The following ATP1A2 variants were observed in gnomAD, a reference collection of about 807,000 sequenced individuals.
The protein encoded by ATP1A2 is ATPase Na+/K+ transporting subunit alpha 2, also known as sodium/potassium-transporting ATPase subunit alpha-2.
Under a neutral mutation model 113.1 loss-of-function variants are expected in ATP1A2, and 56 were observed. The ratio of observed to expected loss-of-function variants is 0.49; its 90% CI spans 0.40 to 0.62. ATP1A2 has a LOEUF of 0.62. ATP1A2 is among the 20% of genes least tolerant of loss of function. The pLI is 0.00. For synonymous variants in ATP1A2, 490 were observed against 526.8 expected, an observed-to-expected ratio of 0.93 and a Z score of 0.96; for missense variants, 712 against 1,357.8, an observed-to-expected ratio of 0.52 and a Z score of 7.47.
Position 160,131,933 on chromosome 1 carries a change from A to G in ATP1A2, c.1827+1336A>G, listed in dbSNP as rs144118092. Among the ~76,000 whole-genome samples the G allele has an allele frequency of 6.6e-5, 10 of 152,254 alleles. No homozygotes were observed. The East Asian group carries it at 1.7e-3, about 26-fold the overall frequency. ...TGATGGACTGGGACTATGAAGCATGATCTGCTTGACCGGAAAGCCTGAGCT... is the reference window on the plus strand; with the variant it reads ...TGATGGACTGGGACTATGAAGCATGGTCTGCTTGACCGGAAAGCCTGAGCT... On this transcript the variant is annotated intron_variant, in intron 13 of 22. Coordinates refer to ENST00000361216, the MANE Select transcript of ATP1A2 (RefSeq NM_000702.4).
intron 3 of ATP1A2, among the ~76,000 whole-genome samples, chr1:160,121,521 C>A (rs1651397499): frequency 1.3e-5 from 2 of 152,370 alleles, no homozygotes; most frequent in Non-Finnish European, 1.5e-5. Context: ...GGCCTCCAGG[C>A]AGGGCCCTTC....
chr1:160,135,561 T>C lies in ATP1A2; in HGVS notation c.2243T>C (p.Leu748Pro). ...AAGCAGGCAGCCGACATGATCCTGCTGGATGACAACTTTGCCTCCATCGTC... is the reference window on the plus strand; with the variant it reads ...AAGCAGGCAGCCGACATGATCCTGCCGGATGACAACTTTGCCTCCATCGTC... ...VSKQAADMIL[L>P]DDNFASIVTG... Residue 748 changes from leucine to proline, a missense_variant, in exon 16 of 23, where the codon CTG becomes CCG. Around this residue, in one of 6 missense-constraint regions of ATP1A2, gnomAD observed 188 missense variants for 438.9 expected, o/e 0.43. Coordinates refer to ENST00000361216, the MANE Select transcript of ATP1A2 (RefSeq NM_000702.4). The surrounding 1 kb of genome is among the most constrained non-coding windows in gnomAD (Gnocchi z 6.3). 1 of 1,614,128 alleles carries C rather than the reference T, an allele frequency of 6.2e-7. No individual in the cohort carries two copies. Among genetic ancestry groups the C allele is most frequent in the South Asian group, 1.1e-5 (1 of 91,080 alleles).
intron 20 of ATP1A2, among the ~76,000 whole-genome samples, chr1:160,138,850 T>C (rs1237795481): frequency 6.6e-6 from 1 of 151,686 alleles, no homozygotes; most frequent in African/African-American, 2.4e-5. Flanking sequence ...AGTGGAGTAA[T>C]AATGTGACTG....
At position 160,137,370 on chromosome 1, in the gene ATP1A2, G is replaced by A. The variant is rs140844741; in HGVS notation, c.2840+339G>A. On this transcript the variant is annotated intron_variant, in intron 20 of 22. Coordinates refer to ENST00000361216, the MANE Select transcript of ATP1A2 (RefSeq NM_000702.4). ...GTGCCCACCCCTCCCCTGGCCTTCC[G>A]CAGGCAGTCTAGTTTATAGCACTTG... Among the ~76,000 whole-genome samples the A allele has an allele frequency of 8.4e-3, 1,272 of 152,018 alleles. 22 individuals are homozygous for A. Among genetic ancestry groups the A allele is most frequent in the African/African-American group, 0.029 (1,199 of 41,430 alleles).
At position 160,129,510 on chromosome 1, in the gene ATP1A2, G is replaced by A. The variant is rs570162016; in HGVS notation, c.1461+110G>A. ...AGGAGTGGGGGTGTCTGAGGGTCAT[G>A]TTCCCTCCCCCTGCTAAGTCCCCCA... is the stretch of plus-strand genomic sequence containing the variant. On this transcript the variant is annotated intron_variant, in intron 11 of 22. Coordinates refer to ENST00000361216, the MANE Select transcript of ATP1A2 (RefSeq NM_000702.4). The A allele has an allele frequency of 5.5e-5, 83 of 1,522,462 alleles. No homozygotes were observed. The South Asian group carries it at 8.3e-4, about 15-fold the overall frequency. The allele number at this position is 1,522,462 out of a possible 1,614,324, so 94.3% of individuals were successfully genotyped here.
rs370471372 is a variant in ATP1A2, at chr1:160,124,414, C to G, written c.614C>G (p.Ser205Cys). 1.1e-5 allele frequency: 17 copies of G among 1,609,400 alleles called. No homozygotes were observed. Among genetic ancestry groups the G allele is most frequent in the Non-Finnish European group, 1.4e-5 (16 of 1,178,060 alleles). ...GTCCCTGCTGACCTCCGGATCATCT[C>G]TTCTCATGGCTGTAAGGTGAGGAGG... Reference protein sequence around the residue: ...DRVPADLRIISSHGCKVDNSS... With the variant: ...DRVPADLRIICSHGCKVDNSS... Residue 205 changes from serine to cysteine, a missense_variant, in exon 6 of 23, where the codon TCT becomes TGT. Around this residue, in one of 6 missense-constraint regions of ATP1A2, gnomAD observed 99 missense variants for 180.4 expected, o/e 0.55. Transcript: ENST00000361216.
At chr1:160,137,408 G>A (rs1651988325) in intron 20 of ATP1A2, among the ~76,000 whole-genome samples, 5 of 152,162 alleles carry the variant, frequency 3.3e-5, no homozygotes, top group African/African-American at 7.2e-5. Flanking sequence ...CTGTGGTTCT[G>A]GAGGCCACGT....
intron 13 of ATP1A2, among the ~76,000 whole-genome samples, chr1:160,132,194 G>A (rs1271571467): frequency 6.6e-6 from 1 of 152,234 alleles, no homozygotes; most frequent in East Asian, 1.9e-4. Context: ...CCCTGGCGTG[G>A]CTAGACTGTA....
In ATP1A2 at chr1:160,115,846, G is replaced by A. The variant is rs1651157523; in HGVS notation, c.-16G>A. On this transcript the variant is annotated 5_prime_UTR_variant, in exon 1 of 23. Transcript: ENST00000361216. The stretch of plus-strand genomic sequence containing the variant: ...TGACCTCTCCCGCTAAGGTCCCTCA[G>A]CCACTCTGCCCCAAGATGGGCCGTG... 8.1e-6 allele frequency: 13 copies of A among 1,596,316 alleles called. No individual in the cohort carries two copies. Among genetic ancestry groups the A allele is most frequent in the African/African-American group, 1.3e-5 (1 of 74,856 alleles).
rs1651377823 is a variant in ATP1A2 at position 160,121,016 on chromosome 1, G to A, written c.117+6G>A. 1.2e-6 allele frequency: 2 copies of A among 1,614,090 alleles called. No homozygotes were observed. Among genetic ancestry groups the A allele is most frequent in the East Asian group, 4.5e-5 (2 of 44,886 alleles). ...TGAAGAAGGAGGTGGCAATGGTGAG[G>A]GAACTGCTGGGCCATGGAGGAGGGG... On this transcript the variant is annotated splice_donor_region_variant and intron_variant, in intron 2 of 22. Transcript: ENST00000361216.
At chr1:160,139,594 C>T in intron 20 of ATP1A2, 46 bp from the exon 21 acceptor site, 1 of 1,552,566 alleles carries the variant, frequency 6.4e-7, no homozygotes, top group Non-Finnish European at 8.9e-7. Flanking sequence ...GGATCTCTGC[C>T]TCCATGATCC....
At chr1:160,116,594 G>A (rs886914585) in intron 1 of ATP1A2, among the ~76,000 whole-genome samples, 1 of 152,100 alleles carries the variant, frequency 6.6e-6, no homozygotes, top group African/African-American at 2.4e-5. Context: ...GCTACACCAA[G>A]AGGAAGATTA....
chr1:160,139,605 C>G, intron 20 of ATP1A2, 35 bp from the exon 21 acceptor site: 2 of 1,593,596 alleles, frequency 1.3e-6, no homozygotes, highest in South Asian at 2.2e-5. Context: ...TCCATGATCC[C>G]CCTTCACCTG....
intron 13 of ATP1A2, among the ~76,000 whole-genome samples, chr1:160,134,235 C>A (rs371986832): frequency 8.9e-5 from 11 of 122,962 alleles, no homozygotes; most frequent in Non-Finnish European, 1.2e-4. Context: ...CAATCCCCAC[C>A]CACACACACA....
chr1:160,116,488 G>A (rs1034541720), intron 1 of ATP1A2, among the ~76,000 whole-genome samples: 6 of 151,938 alleles, frequency 3.9e-5, no homozygotes, highest in Admixed American at 2.0e-4. Context: ...AGCATTGTCC[G>A]TGGGTTCCAA....
intron 1 of ATP1A2, among the ~76,000 whole-genome samples, chr1:160,117,995 C>T (rs1012078970): frequency 1.3e-5 from 2 of 152,246 alleles, no homozygotes; most frequent in East Asian, 3.9e-4. Context: ...CTCTTTCTTT[C>T]TTGCCTGGGC....
intron 14 of ATP1A2, 127 bp downstream of exon 14, chr1:160,134,747 T>C: frequency 7.3e-7 from 1 of 1,362,520 alleles, no homozygotes; most frequent in Non-Finnish European, 1.0e-6. Flanking sequence ...TCTGACACTA[T>C]TGTGACTGGT....
intron 13 of ATP1A2, among the ~76,000 whole-genome samples, chr1:160,133,766 AGTT>A (rs1651835468): frequency 6.6e-6 from 1 of 152,090 alleles, no homozygotes; most frequent in African/African-American, 2.4e-5. Context: ...AAAATAAAGG[AGTT>A]GTTAAAGGGT....
chr1:160,119,224 G>T (rs1651289583), intron 1 of ATP1A2, among the ~76,000 whole-genome samples: 1 of 62,570 alleles, frequency 1.6e-5, no homozygotes, highest in African/African-American at 7.1e-5. Context: ...TTTTTAAAAT[G>T]CAAACAAAAC....
Sources: allele counts gnomAD v4.1 joint callset (sites outside exome capture counted in the v4.1 genomes callset), GRCh38; gene constraint gnomAD v4.1.1; regional missense constraint gnomAD v4.1.1; non-coding constraint Gnocchi (gnomAD v3.1); transcripts MANE v1.5; gene names NCBI Gene and HGNC (gene_info 2026-07-23, HGNC 2026-07-21).